CCSER2: variants seen among roughly 807,000 people sequenced by gnomAD.
The protein encoded by CCSER2 is coiled-coil serine rich protein 2.
A neutral mutation model predicts 92.3 loss-of-function variants in CCSER2; 46 were observed. The observed-to-expected ratio is 0.50, with a 90% confidence interval of 0.39 to 0.64. The LOEUF (loss-of-function observed/expected upper bound fraction) is 0.64. Among genes scored for constraint, CCSER2 ranks in the 30% least tolerant of loss-of-function variants. The probability of loss-of-function intolerance (pLI) is 0.00; values close to 1 mark genes in which losing one functional copy is unlikely to be tolerated. For missense variants in CCSER2, 1,244 were observed against 1,238.9 expected, an observed-to-expected ratio of 1.00 and a Z score of -0.06; for synonymous variants, 433 against 431.4, an observed-to-expected ratio of 1.00 and a Z score of -0.04.
intron 1 of CCSER2, among the ~76,000 whole-genome samples, chr10:84,350,225 G>A (rs1374258589): frequency 2.0e-5 from 3 of 152,174 alleles, no homozygotes; most frequent in Non-Finnish European, 2.9e-5. Flanking sequence ...GCTTTCCACT[G>A]CGCCAGAGCA....
intron 6 of CCSER2, among the ~76,000 whole-genome samples, chr10:84,441,604 A>G (rs1844539754): frequency 6.6e-6 from 1 of 151,898 alleles, no homozygotes; most frequent in Non-Finnish European, 1.5e-5. Flanking sequence ...GTTTTACTTT[A>G]TGGCATTGTG....
intron 3 of CCSER2, among the ~76,000 whole-genome samples, chr10:84,384,632 A>G (rs548803336): frequency 1.2e-3 from 186 of 152,202 alleles, no homozygotes; most frequent in Non-Finnish European, 2.2e-3. Context: ...GAAAATAATA[A>G]GAACCCTATA....
intron 9 of CCSER2, among the ~76,000 whole-genome samples, chr10:84,511,686 T>G (rs1849354362): frequency 3.9e-5 from 6 of 152,164 alleles, no homozygotes; most frequent in African/African-American, 1.4e-4. Flanking sequence ...TTTATTCCCT[T>G]TGGTAGATTT....
chr10:84,349,127 A>G (rs1417352930), intron 1 of CCSER2, among the ~76,000 whole-genome samples: 1 of 152,142 alleles, frequency 6.6e-6, no homozygotes, highest in Admixed American at 6.5e-5. Context: ...GCAAAGAATG[A>G]GTCATGAGTA....
chr10:84,474,511 A>C (rs1205252524), intron 8 of CCSER2, among the ~76,000 whole-genome samples: 1 of 151,974 alleles, frequency 6.6e-6, no homozygotes, highest in Non-Finnish European at 1.5e-5. Flanking sequence ...AAATACAAAA[A>C]TTAGCTGGGC....
intron 3 of CCSER2, among the ~76,000 whole-genome samples, chr10:84,398,968 A>C (rs1841979696): frequency 6.6e-6 from 1 of 152,200 alleles, no homozygotes; most frequent in East Asian, 1.9e-4. Context: ...CTCTTACCAC[A>C]TCTGGCCATT....
intron 4 of CCSER2, among the ~76,000 whole-genome samples, chr10:84,420,932 CAAAAAAA>C (rs59244448): frequency 2.4e-5 from 2 of 84,836 alleles, no homozygotes; most frequent in Admixed American, 1.3e-4. Flanking sequence ...GACTCCATCT[CAAAAAAA>C]AAAAAAAAAA....
chr10:84,394,735 A>AAAGT (rs1554840129), intron 3 of CCSER2, among the ~76,000 whole-genome samples: 1 of 150,982 alleles, frequency 6.6e-6, no homozygotes, highest in African/African-American at 2.4e-5. Flanking sequence ...TTAAAATAAG[A>AAAGT]TATAACATTA....
intron 4 of CCSER2, chr10:84,424,965 G>C (rs529118950): frequency 6.3e-5 from 62 of 984,312 alleles, no homozygotes; most frequent in Non-Finnish European, 8.4e-6. Flanking sequence ...CTATGTCTGA[G>C]TAGGCAGCCG....
At chr10:84,482,876 A>G (rs1343845902) in intron 9 of CCSER2, among the ~76,000 whole-genome samples, 5 of 152,186 alleles carry the variant, frequency 3.3e-5, no homozygotes, top group Admixed American at 1.3e-4. Flanking sequence ...ACAAGTTAAA[A>G]TTCTGAATGG....
intron 6 of CCSER2, among the ~76,000 whole-genome samples, chr10:84,461,408 G>C (rs906759999): frequency 6.6e-6 from 1 of 152,098 alleles, no homozygotes; most frequent in Non-Finnish European, 1.5e-5. Context: ...CTATCCTTCT[G>C]TGACTTCAAT....
intron 1 of CCSER2, among the ~76,000 whole-genome samples, chr10:84,336,695 C>T (rs1446390050): frequency 1.3e-5 from 2 of 152,120 alleles, no homozygotes; most frequent in African/African-American, 4.8e-5. Flanking sequence ...TATGCCTGAT[C>T]ATATATGGCA....
chr10:84,505,290 T>C (rs1016299376), intron 9 of CCSER2, among the ~76,000 whole-genome samples: 2 of 152,210 alleles, frequency 1.3e-5, no homozygotes, highest in African/African-American at 4.8e-5. Flanking sequence ...AAGCAGTTTA[T>C]CTTTGTGTAT....
chr10:84,379,758 A>T (rs1244912243), intron 3 of CCSER2, among the ~76,000 whole-genome samples: 1 of 152,164 alleles, frequency 6.6e-6, no homozygotes, highest in Non-Finnish European at 1.5e-5. Context: ...GTAATATTCT[A>T]CAGGTTTCTT....
At chr10:84,464,130 G>A (rs1200218388) in intron 7 of CCSER2, 114 bp downstream of exon 7, 1 of 563,454 alleles carries the variant, frequency 1.8e-6, no homozygotes, top group Non-Finnish European at 3.0e-6. Context: ...CATCAGGTTT[G>A]TTCTTAACTT....
At chr10:84,468,502 G>A (rs1344642607) in intron 7 of CCSER2, among the ~76,000 whole-genome samples, 1 of 152,100 alleles carries the variant, frequency 6.6e-6, no homozygotes, top group Non-Finnish European at 1.5e-5. Flanking sequence ...AATGGTTTTG[G>A]TGGGGGAAAA....
At chr10:84,340,319 G>A (rs544201514) in intron 1 of CCSER2, among the ~76,000 whole-genome samples, 6 of 151,960 alleles carry the variant, frequency 3.9e-5, no homozygotes, top group East Asian at 1.9e-4. Context: ...GTTTGTTTTC[G>A]TGACAGGTTG....
Position 84,463,965 on chromosome 10 carries a change from A to T in CCSER2, c.2097A>T (p.Gln699His). ...GAAGTGGTTCATTGCATGATATTCA[A>T]CTGTCATTGCCATCCAGTCCAGAAC... ...HDGSGSLHDI[Q>H]LSLPSSPEPE... Residue 699 changes from glutamine to histidine, a missense_variant, in exon 7 of 10, where the codon CAA (glutamine) becomes CAT (histidine). Transcript: ENST00000372088. 1 of 1,611,618 alleles carries T rather than the reference A, an allele frequency of 6.2e-7. No individual in the cohort carries two copies. The highest frequency in any genetic ancestry group is 1.7e-5 in the Admixed American group (1 of 59,970).
intron 7 of CCSER2, 66 bp downstream of exon 7, chr10:84,464,082 G>T: frequency 1.3e-6 from 1 of 790,574 alleles, no homozygotes; most frequent in South Asian, 1.7e-5. Context: ...ATGATACAAT[G>T]ACAATGAAAA....
Sources: gnomAD v4.1 joint callset for allele counts (sites outside exome capture counted in the v4.1 genomes callset) on GRCh38, gnomAD v4.1.1 for gene constraint, MANE v1.5 for transcripts, NCBI Gene and HGNC (gene_info 2026-07-23, HGNC 2026-07-21) for gene names.